RAPGEF2: variants seen among roughly 807,000 people sequenced by gnomAD.
The protein encoded by RAPGEF2 is PDZ domain containing guanine nucleotide exchange factor (GEF) 1.
RAPGEF2 carries 54 observed loss-of-function variants against 186.7 expected under a neutral mutation model. The observed-to-expected ratio is 0.29, with a 90% confidence interval of 0.23 to 0.36. The LOEUF is 0.36. Ranked by LOEUF, RAPGEF2 falls within the 10% of genes least tolerant of loss-of-function variation. RAPGEF2 has a pLI of 1.00. For missense variants in RAPGEF2, 1,532 were observed against 2,045.0 expected (o/e 0.75, Z 4.84); for synonymous variants, 712 against 705.9 (o/e 1.01, Z -0.14).
intron 1 of RAPGEF2, among the ~76,000 whole-genome samples, chr4:159,118,156 G>A (rs1271815766): frequency 6.6e-6 from 1 of 152,180 alleles, no homozygotes; most frequent in Non-Finnish European, 1.5e-5. Flanking sequence ...AGAGAGTGAA[G>A]CTTCATCTTT....
In RAPGEF2 at chr4:159,341,873, C is replaced by T; in HGVS notation, c.2844C>T (p.Ile948=). The T allele has an allele frequency of 5.0e-6, 8 of 1,613,456 alleles. No homozygotes were observed. The highest frequency in any genetic ancestry group is 6.8e-6 in the Non-Finnish European group (8 of 1,179,794). ...RETNQLKRMK[I]IKHFIKIALH... Reference sequence around the variant, plus strand: ...CAAACCAGCTGAAGAGGATGAAGATCATTAAGCATTTCATCAAGATAGCAC... The same window carrying T: ...CAAACCAGCTGAAGAGGATGAAGATTATTAAGCATTTCATCAAGATAGCAC... Residue 948 remains isoleucine (I), a synonymous_variant, in exon 20 of 30, where the codon ATC becomes ATT. Transcript: ENST00000691494.
intron 4 of RAPGEF2, among the ~76,000 whole-genome samples, chr4:159,234,619 G>A: frequency 7.2e-6 from 1 of 139,550 alleles, no homozygotes; most frequent in Non-Finnish European, 1.5e-5. Context: ...GCAGTGGTGT[G>A]ATCTCGGCTC....
intron 7 of RAPGEF2, among the ~76,000 whole-genome samples, chr4:159,244,038 G>A (rs1050378878): frequency 2.0e-5 from 3 of 151,880 alleles, no homozygotes; most frequent in Non-Finnish European, 2.9e-5. Flanking sequence ...TTTTAAAAAT[G>A]AATGGAGCAC....
chr4:159,152,270 A>G (rs1156443569), intron 1 of RAPGEF2, among the ~76,000 whole-genome samples: 11 of 152,268 alleles, frequency 7.2e-5, no homozygotes. Context: ...CAAGTGAGCC[A>G]GGATCACACC....
intron 1 of RAPGEF2, among the ~76,000 whole-genome samples, chr4:159,130,899 G>A (rs1579263851): frequency 3.3e-5 from 5 of 152,002 alleles, no homozygotes; most frequent in Non-Finnish European, 4.4e-5. Flanking sequence ...TTGTAGAGAC[G>A]GGGTTTCACC....
intron 7 of RAPGEF2, among the ~76,000 whole-genome samples, chr4:159,299,910 A>C (rs2111021830): frequency 6.6e-6 from 1 of 151,966 alleles, no homozygotes; most frequent in Non-Finnish European, 1.5e-5. Flanking sequence ...TACAAATGAT[A>C]CCAAGGTTTT....
chr4:159,144,835 T>C (rs1163086474), intron 1 of RAPGEF2, among the ~76,000 whole-genome samples: 2 of 152,020 alleles, frequency 1.3e-5, no homozygotes, highest in Non-Finnish European at 2.9e-5. Flanking sequence ...ATTGATGTTT[T>C]TGCTTATTAA....
At chr4:159,221,621 C>T (rs575286127) in intron 4 of RAPGEF2, among the ~76,000 whole-genome samples, 3 of 152,338 alleles carry the variant, frequency 2.0e-5, no homozygotes, top group East Asian at 1.9e-4. Context: ...AGGGAACCCA[C>T]GGTCTCTGTT....
At chr4:159,257,430 A>T (rs546116541) in intron 7 of RAPGEF2, among the ~76,000 whole-genome samples, 1 of 152,108 alleles carries the variant, frequency 6.6e-6, no homozygotes, top group African/African-American at 2.4e-5. Context: ...CATGAGACCC[A>T]TTCACTATCA....
chr4:159,257,354 G>A (rs531996462), intron 7 of RAPGEF2, among the ~76,000 whole-genome samples: 2 of 152,174 alleles, frequency 1.3e-5, no homozygotes, highest in Non-Finnish European at 2.9e-5. Context: ...CACATCTTAC[G>A]TGGATAGCAG....
chr4:159,295,039 A>G (rs1357645102), intron 7 of RAPGEF2, among the ~76,000 whole-genome samples: 2 of 152,160 alleles, frequency 1.3e-5, no homozygotes, highest in Non-Finnish European at 2.9e-5. Flanking sequence ...TGGGCTCTTC[A>G]TAGATATTAG....
intron 25 of RAPGEF2, among the ~76,000 whole-genome samples, chr4:159,348,601 T>C (rs1730735551): frequency 6.6e-6 from 1 of 152,216 alleles, no homozygotes; most frequent in African/African-American, 2.4e-5. Context: ...TGAATATGCA[T>C]GCATTCCTGA....
In RAPGEF2 at chr4:159,188,583, G is replaced by A. The variant is rs574604762; in HGVS notation, c.140+1871G>A. Among the ~76,000 whole-genome samples, 155 of 148,660 alleles carry A rather than the reference G, an allele frequency of 1.0e-3. 1 individual carries two copies. In the Middle Eastern group the frequency reaches 0.032, roughly 31 times the overall value. ...GGAAGCTGAGGTAGGAGAGTCGCTT[G>A]AACCTGGGAGGCAGAGGTTGCAGTG... On this transcript the variant is annotated intron_variant, in intron 2 of 29. Transcript: ENST00000691494.
At chr4:159,304,675 G>T (rs550515486) in intron 8 of RAPGEF2, among the ~76,000 whole-genome samples, 1 of 152,012 alleles carries the variant, frequency 6.6e-6, no homozygotes, top group African/African-American at 2.4e-5. Context: ...CTGCTATGAC[G>T]AGTTATCAAA....
At chr4:159,294,367 T>G (rs1761636495) in intron 7 of RAPGEF2, among the ~76,000 whole-genome samples, 1 of 152,200 alleles carries the variant, frequency 6.6e-6, no homozygotes, top group African/African-American at 2.4e-5. Flanking sequence ...TAATTGGTTA[T>G]AGAAGCCATC....
intron 6 of RAPGEF2, 149 bp downstream of exon 6, chr4:159,241,517 T>G (rs139312978): frequency 0.016 from 3,863 of 248,510 alleles, 47 homozygotes; most frequent in Middle Eastern, 0.053. Flanking sequence ...TTATTTTTAT[T>G]TGTTATATTA....
At chr4:159,136,990 C>G (rs1741788526) in intron 1 of RAPGEF2, among the ~76,000 whole-genome samples, 1 of 152,138 alleles carries the variant, frequency 6.6e-6, no homozygotes, top group Non-Finnish European at 1.5e-5. Flanking sequence ...AGTGCTAAAA[C>G]TGTGTAAGAA....
At chr4:159,316,709 T>C (rs551908253) in intron 9 of RAPGEF2, among the ~76,000 whole-genome samples, 1 of 152,188 alleles carries the variant, frequency 6.6e-6, no homozygotes. Flanking sequence ...TCTTTATCCA[T>C]TCTATCATTG....
chr4:159,103,413 ACAGCGGCGGCCCGAGCAGCAGAGG>A lies in RAPGEF2; in HGVS notation c.-748_-725del, dbSNP rs1488607063. 6.4e-6 allele frequency: 1 copy of A among 156,728 alleles called. No individual in the cohort carries two copies. Among genetic ancestry groups the A allele is most frequent in the Non-Finnish European group, 1.4e-5 (1 of 72,144 alleles). 9.7% of individuals were successfully genotyped at this position (156,728 alleles called of 1,614,324 possible). ...GGGGGAGGCGGCGGCGGCGGAGCCC[ACAGCGGCGGCCCGAGCAGCAGAGG>A]CGGCGGCGGCGGCGGCTGGGCGGCC... On this transcript the variant is annotated 5_prime_UTR_variant, in exon 1 of 30. Transcript: ENST00000691494.
Sources: allele counts gnomAD v4.1 joint callset (sites outside exome capture counted in the v4.1 genomes callset), GRCh38; gene constraint gnomAD v4.1.1; transcripts MANE v1.5; gene names NCBI Gene and HGNC (gene_info 2026-07-23, HGNC 2026-07-21).